The following SCARB2 variants were observed in gnomAD, a reference collection of about 807,000 sequenced individuals.
SCARB2 encodes scavenger receptor class B member 2.
In SCARB2, 29 loss-of-function variants were observed where a neutral mutation model predicts 58.6. The observed-to-expected ratio is 0.49, with a 90% CI of 0.37 to 0.67. SCARB2 has a LOEUF of 0.67. Among genes scored for constraint, SCARB2 ranks in the 30% least tolerant of loss-of-function variants. SCARB2 has a pLI of 0.00. For synonymous variants in SCARB2, 195 were observed against 210.1 expected (o/e 0.93, Z 0.62); for missense variants, 488 against 578.5 (o/e 0.84, Z 1.60).
Position 76,159,447 on chromosome 4 carries a change from G to C in SCARB2, c.*2266C>G, listed in dbSNP as rs1024837049. 1 of 152,262 alleles carries C rather than the reference G, an allele frequency of 6.6e-6. No individual in the cohort carries two copies. Among genetic ancestry groups the C allele is most frequent in the Non-Finnish European group, 1.5e-5 (1 of 68,072 alleles). The allele number at this position is 152,262 out of a possible 1,614,324, so 9.4% of individuals were successfully genotyped here. A position where few individuals can be genotyped will look rare whatever the true frequency, so the allele number is the denominator to read the frequency against. ...CTATTAAGAATCATAAAACAGGCCA[G>C]GCCCGGTGGCTTACGCCTGTAATCC... On this transcript the variant is annotated 3_prime_UTR_variant, in exon 12 of 12. Coordinates refer to ENST00000264896, the MANE Select transcript of SCARB2 (RefSeq NM_005506.4).
chr4:76,232,499 C>A (rs1443591740), intron 1 of SCARB2, among the ~76,000 whole-genome samples: 1 of 152,126 alleles, frequency 6.6e-6, no homozygotes, highest in Non-Finnish European at 1.5e-5. Context: ...ACACAATTGA[C>A]AAAGGAGTTT....
chr4:76,187,673 A>C (rs1290618316), intron 2 of SCARB2, among the ~76,000 whole-genome samples: 2 of 152,170 alleles, frequency 1.3e-5, no homozygotes, highest in East Asian at 3.8e-4. Flanking sequence ...TCATCCATGG[A>C]AAAATGGCCA....
At chr4:76,207,852 C>T (rs1036526705) in intron 1 of SCARB2, among the ~76,000 whole-genome samples, 6 of 152,210 alleles carry the variant, frequency 3.9e-5, no homozygotes, top group African/African-American at 1.2e-4. Context: ...GTAGTTTCCA[C>T]AGGCAGGAAT....
At chr4:76,166,497 G>A in intron 9 of SCARB2, 196 bp from the exon 10 acceptor site, 1 of 636,820 alleles carries the variant, frequency 1.6e-6, no homozygotes, top group Non-Finnish European at 2.8e-6. Flanking sequence ...TCCATGTGCT[G>A]TACGTTTATC....
chr4:76,171,581 G>C (rs967440968), intron 7 of SCARB2, among the ~76,000 whole-genome samples: 2 of 152,224 alleles, frequency 1.3e-5, no homozygotes, highest in African/African-American at 4.8e-5. Flanking sequence ...ATTGTAGCAA[G>C]AAGTTTAAAT....
chr4:76,213,732 G>A lies in SCARB2; in HGVS notation c.-189C>T, dbSNP rs1733129963. 6.1e-6 allele frequency: 3 copies of A among 493,212 alleles called. No individual in the cohort carries two copies. The highest frequency in any genetic ancestry group is 4.2e-5 in the African/African-American group (2 of 47,892). The allele number at this position is 493,212 out of a possible 1,614,324, so 30.6% of individuals were successfully genotyped here. On this transcript the variant is annotated 5_prime_UTR_variant, in exon 1 of 12. Transcript: ENST00000264896. ...GGCGAGCGCGGCCCCGGGTGCACCG[G>A]GCGGATGGGGCCGCGGAGGGACGGG...
At chr4:76,207,495 T>C (rs770526081) in intron 1 of SCARB2, among the ~76,000 whole-genome samples, 2 of 152,334 alleles carry the variant, frequency 1.3e-5, no homozygotes, top group East Asian at 3.9e-4. Context: ...CAGTAAATAT[T>C]TGTCAAATGA....
chr4:76,192,878 G>A (rs1215274983), intron 2 of SCARB2: 1 of 152,202 alleles, frequency 6.6e-6, no homozygotes, highest in East Asian at 1.9e-4. Flanking sequence ...ATTTTTGTGG[G>A]GAGATAAATT....
intron 1 of SCARB2, among the ~76,000 whole-genome samples, chr4:76,201,439 A>T (rs549507588): frequency 6.6e-6 from 1 of 152,220 alleles, no homozygotes; most frequent in Non-Finnish European, 1.5e-5. Context: ...GAAGGGACAC[A>T]ATAAATAATT....
At chr4:76,205,584 T>C (rs1257960784) in intron 1 of SCARB2, among the ~76,000 whole-genome samples, 2 of 152,180 alleles carry the variant, frequency 1.3e-5, no homozygotes, top group African/African-American at 4.8e-5. Context: ...TTTTAAAAAA[T>C]GGGACTTGTG....
At position 76,175,906 on chromosome 4, in the gene SCARB2, G is replaced by A; in HGVS notation, c.709C>T (p.Leu237Phe). Residue 237 changes from leucine (L) to phenylalanine (F), a missense_variant, in exon 6 of 12, where the codon CTT (leucine) becomes TTT (phenylalanine). Physicochemically the swap from Leu to Phe is conservative, Grantham distance 22. Coordinates refer to ENST00000264896, the MANE Select transcript of SCARB2 (RefSeq NM_005506.4). ...KIVEWNGKTS[L>F]DWWITDKCNM... ...CACTTGTCTGTTATCCACCAGTCAA[G>A]TGACCTATAATTGATAAGCACAAGA... 4.3e-6 allele frequency: 7 copies of A among 1,613,702 alleles called. No individual in the cohort carries two copies. Among genetic ancestry groups the A allele is most frequent in the Non-Finnish European group, 5.9e-6 (7 of 1,179,968 alleles).
intron 1 of SCARB2, among the ~76,000 whole-genome samples, chr4:76,223,680 G>A (rs72858510): frequency 0.046 from 7,003 of 152,174 alleles, 503 homozygotes; most frequent in African/African-American, 0.15. Context: ...TATGACCCAT[G>A]AGTAGAGTAA....
chr4:76,179,739 C>T (rs1732339908), intron 3 of SCARB2, 34 bp from the exon 4 acceptor site: 1 of 1,548,768 alleles, frequency 6.5e-7, no homozygotes, highest in Non-Finnish European at 8.9e-7. Context: ...ACAGCAGCAT[C>T]CCCTCCAAAG....
In SCARB2 at chr4:76,223,235, T is replaced by C. The variant is rs143747142; in HGVS notation, c.-358+11068A>G. The stretch of plus-strand genomic sequence containing the variant: ...CCTCAGCTCATTTCTGCAAGTGGCT[T>C]AACCAAGTGTTCCCTCCAAACACAT... On this transcript the variant is annotated intron_variant, in intron 1 of 11. Transcript: ENST00000638295. 4.3e-4 allele frequency among the ~76,000 whole-genome samples: 66 copies of C among 152,302 alleles called. No homozygotes were observed. The East Asian group carries it at 0.013, about 29-fold the overall frequency.
At chr4:76,232,766 A>T (rs1583943) in intron 1 of SCARB2, among the ~76,000 whole-genome samples, 1 of 152,164 alleles carries the variant, frequency 6.6e-6, no homozygotes, top group African/African-American at 2.4e-5. Flanking sequence ...CAGGTATCAG[A>T]AAAGACAATT....
chr4:76,191,725 T>TTCTC (rs1332730524), intron 2 of SCARB2: 2 of 151,604 alleles, frequency 1.3e-5, no homozygotes, highest in Non-Finnish European at 2.9e-5. Context: ...TTCTCTCTCT[T>TTCTC]TCTCTCTCTC....
chr4:76,192,102 C>A (rs1197068755), intron 2 of SCARB2: 1 of 152,116 alleles, frequency 6.6e-6, no homozygotes, highest in African/African-American at 2.4e-5. Context: ...GTAAGAACAA[C>A]CTAATTTAGA....
chr4:76,178,635 T>C (rs2109946233), intron 4 of SCARB2, among the ~76,000 whole-genome samples: 1 of 152,280 alleles, frequency 6.6e-6, no homozygotes, highest in South Asian at 2.1e-4. Context: ...CCTGTGAAGC[T>C]GTATTCCTCT....
rs140677758 is a variant in SCARB2, at chr4:76,208,702, T to C, written c.117+4725A>G. Among the ~76,000 whole-genome samples the C allele has an allele frequency of 4.9e-3, 747 of 152,314 alleles. 5 individuals are homozygous for C. The highest frequency in any genetic ancestry group is 0.017 in the African/African-American group (717 of 41,544). On this transcript the variant is annotated intron_variant, in intron 1 of 11. Transcript: ENST00000264896. Reference sequence around the variant, plus strand: ...TTACTGTGCCGTGGTTCTTGCCCTTTGATTTCTATGAGCTTCCCCTTCCAG... The same window carrying C: ...TTACTGTGCCGTGGTTCTTGCCCTTCGATTTCTATGAGCTTCCCCTTCCAG...
Sources: gnomAD v4.1 joint callset for allele counts (sites outside exome capture counted in the v4.1 genomes callset) on GRCh38, gnomAD v4.1.1 for gene constraint, MANE v1.5 for transcripts, NCBI Gene and HGNC (gene_info 2026-07-23, HGNC 2026-07-21) for gene names.